Variants in MYO5B observed in about 807,000 individuals in gnomAD.
MYO5B encodes the protein myosin VB.
A neutral mutation model predicts 229.3 loss-of-function variants in MYO5B; 143 were observed. The observed-to-expected ratio is 0.62, with a 90% CI of 0.54 to 0.72. The LOEUF is 0.72. MYO5B is among the 30% of genes least tolerant of loss of function. The probability of loss-of-function intolerance (pLI) is 0.00; values close to 1 mark genes in which losing one functional copy is unlikely to be tolerated. For synonymous variants in MYO5B, 918 were observed against 885.2 expected (o/e 1.04, Z -0.66); for missense variants, 2,321 against 2,331.0 (o/e 1.00, Z 0.09).
intron 26 of MYO5B, among the ~76,000 whole-genome samples, chr18:49,874,534 C>T (rs956765887): frequency 5.3e-5 from 8 of 152,314 alleles, no homozygotes; most frequent in African/African-American, 1.9e-4. Context: ...CAAGATTTAC[C>T]TCCCCACTTA....
intron 7 of MYO5B, among the ~76,000 whole-genome samples, chr18:49,986,761 T>C (rs2025874676): frequency 1.3e-5 from 2 of 152,236 alleles, no homozygotes; most frequent in African/African-American, 4.8e-5. Context: ...ATTTGATTAT[T>C]TTTACAGTGT....
chr18:50,123,480 A>G (rs1475862837), intron 1 of MYO5B, among the ~76,000 whole-genome samples: 1 of 152,216 alleles, frequency 6.6e-6, no homozygotes, highest in African/African-American at 2.4e-5. Context: ...CTGTAACCCC[A>G]GCGATGGAGG....
chr18:50,010,235 C>G (rs1363185976), intron 4 of MYO5B, among the ~76,000 whole-genome samples: 1 of 152,184 alleles, frequency 6.6e-6, no homozygotes, highest in Non-Finnish European at 1.5e-5. Flanking sequence ...CCTTGGAGTG[C>G]TAAGCGCTAT....
Position 49,875,784 on chromosome 18 carries a change from A to C in MYO5B, c.3440T>G (p.Leu1147Arg), listed in dbSNP as rs1315943748. Residue 1147 changes from leucine (L) to arginine (R), a missense_variant, in exon 26 of 40, where the codon CTG (leucine) becomes CGG (arginine). This residue lies in a region of MYO5B where 2,113 missense variants were observed against 2,044.7 expected (regional missense o/e 1.03). Transcript: ENST00000285039. ...EKAAMDMTVF[L>R]KLQKRVRELE... The stretch of plus-strand genomic sequence containing the variant: ...CTCCCGTACTCTCTTCTGCAGCTTC[A>C]GGAAGACCGTCATGTCCATGGCTGC... The C allele has an allele frequency of 1.2e-6, 2 of 1,614,124 alleles. No homozygotes were observed. The highest frequency in any genetic ancestry group is 1.7e-6 in the Non-Finnish European group (2 of 1,180,002).
intron 22 of MYO5B, among the ~76,000 whole-genome samples, chr18:49,881,694 C>T (rs572569008): frequency 5.3e-5 from 6 of 112,236 alleles, no homozygotes; most frequent in South Asian, 3.6e-4. Flanking sequence ...CCCAGCTACT[C>T]GGGAGGCTGA....
intron 39 of MYO5B, among the ~76,000 whole-genome samples, chr18:49,833,929 C>T (rs1390293353): frequency 6.6e-6 from 1 of 152,184 alleles, no homozygotes; most frequent in Non-Finnish European, 1.5e-5. Flanking sequence ...CATTCTGCGG[C>T]CTGTGTCTTT....
chr18:49,870,233 C>T (rs1157825665), intron 27 of MYO5B, among the ~76,000 whole-genome samples: 1 of 152,212 alleles, frequency 6.6e-6, no homozygotes, highest in African/African-American at 2.4e-5. Flanking sequence ...GGAAACCGGA[C>T]ATCCACAGCA....
At chr18:50,019,035 A>G (rs1390646369) in intron 4 of MYO5B, among the ~76,000 whole-genome samples, 1 of 152,198 alleles carries the variant, frequency 6.6e-6, no homozygotes, top group Non-Finnish European at 1.5e-5. Flanking sequence ...ATAATGTGAA[A>G]CCATGTTACA....
chr18:50,105,198 A>T (rs2031732993), intron 1 of MYO5B, among the ~76,000 whole-genome samples: 1 of 139,484 alleles, frequency 7.2e-6, no homozygotes, highest in Non-Finnish European at 1.5e-5. Context: ...AGGTCAAGGC[A>T]TGGTAAAAAT....
At chr18:50,047,229 T>A (rs372057424) in intron 2 of MYO5B, among the ~76,000 whole-genome samples, 1,913 of 150,266 alleles carry the variant, frequency 0.013, 32 homozygotes, top group African/African-American at 0.043. Context: ...CAATGAACTC[T>A]AACAAATTTA....
At chr18:50,087,839 C>T (rs979497727) in intron 1 of MYO5B, among the ~76,000 whole-genome samples, 3 of 152,056 alleles carry the variant, frequency 2.0e-5, no homozygotes, top group African/African-American at 7.2e-5. Context: ...TGCAGGAAAA[C>T]CAAGATGAGA....
Position 50,001,427 on chromosome 18 carries a change from C to G in MYO5B, c.456-16G>C. On this transcript the variant is annotated splice_polypyrimidine_tract_variant and intron_variant, in intron 4 of 39. Coordinates refer to ENST00000285039, the MANE Select transcript of MYO5B (RefSeq NM_001080467.3). ...CTTCTCATCTCTGGAAGGAAAAAAG[C>G]TCTGATAAGTCATTGGCCATGGAAA... is the stretch of plus-strand genomic sequence containing the variant. 3 of 1,614,014 alleles carry G rather than the reference C, an allele frequency of 1.9e-6. No homozygotes were observed. The highest frequency in any genetic ancestry group is 2.2e-5 in the South Asian group (2 of 91,080).
chr18:49,956,794 C>T (rs778320048), intron 12 of MYO5B, among the ~76,000 whole-genome samples: 58 of 152,242 alleles, frequency 3.8e-4, no homozygotes, highest in Middle Eastern at 3.4e-3. Flanking sequence ...GGCCTAAATC[C>T]CTCTGACCTT....
chr18:49,842,342 T>G (rs549929884), intron 34 of MYO5B, among the ~76,000 whole-genome samples: 3 of 152,142 alleles, frequency 2.0e-5, no homozygotes, highest in African/African-American at 7.2e-5. Flanking sequence ...TAAAATTGCC[T>G]GTGGAGGGCA....
chr18:49,836,762 C>G lies in MYO5B; in HGVS notation c.5262G>C (p.Gln1754His). The G allele has an allele frequency of 6.2e-7, 1 of 1,614,160 alleles. No individual in the cohort carries two copies. The highest frequency in any genetic ancestry group is 8.5e-7 in the Non-Finnish European group (1 of 1,180,020). Reference sequence around the variant, plus strand: ...GGGAGCAGATAGCCTCTGCGTCCTCCTGGGTTTTCTTCTTTAATTGCAGGA... The same window carrying G: ...GGGAGCAGATAGCCTCTGCGTCCTCGTGGGTTTTCTTCTTTAATTGCAGGA... Reference protein sequence around the residue: ...AQLLQLKKKTQEDAEAICSLC... With the variant: ...AQLLQLKKKTHEDAEAICSLC... The change falls in exon 38 of 40, where the codon CAG (glutamine) becomes CAC (histidine). Residue 1754 changes from glutamine (Q) to histidine (H), a missense_variant. Coordinates refer to ENST00000285039, the MANE Select transcript of MYO5B (RefSeq NM_001080467.3).
chr18:50,001,032 A>T (rs1218352675), intron 5 of MYO5B, among the ~76,000 whole-genome samples: 2 of 151,968 alleles, frequency 1.3e-5, no homozygotes, highest in Non-Finnish European at 2.9e-5. Flanking sequence ...GAGTCAAGGG[A>T]CATGGAGAAT....
chr18:49,834,725 G>A (rs992003051), intron 39 of MYO5B, among the ~76,000 whole-genome samples: 16 of 151,982 alleles, frequency 1.1e-4, no homozygotes, highest in African/African-American at 3.9e-4. Context: ...TGCAAGCTCC[G>A]CCTCCCAGGT....
At chr18:49,948,450 C>T (rs775868360) in intron 14 of MYO5B, among the ~76,000 whole-genome samples, 6 of 152,018 alleles carry the variant, frequency 3.9e-5, no homozygotes, top group South Asian at 2.1e-4. Context: ...ATAAGGGAGA[C>T]GATATTGTTT....
chr18:49,865,956 T>C (rs933264707), intron 27 of MYO5B, among the ~76,000 whole-genome samples: 1 of 152,054 alleles, frequency 6.6e-6, no homozygotes, highest in African/African-American at 2.4e-5. Context: ...CACTCCCCTC[T>C]CCTCCCCCAC....
Sources: gnomAD v4.1 joint callset for allele counts (sites outside exome capture counted in the v4.1 genomes callset) on GRCh38, gnomAD v4.1.1 for gene constraint, gnomAD v4.1.1 regional missense constraint, MANE v1.5 for transcripts, NCBI Gene and HGNC (gene_info 2026-07-23, HGNC 2026-07-21) for gene names.